Variants in TEKT5 observed in about 807,000 individuals in gnomAD.
The protein encoded by TEKT5 is tektin-5.
A neutral mutation model predicts 48.7 loss-of-function variants in TEKT5; 52 were observed. That is an observed-to-expected ratio of 1.07 (90% confidence interval 0.86 to 1.35). The LOEUF is 1.35. TEKT5 is among the 40% of genes most tolerant of loss of function. The probability of loss-of-function intolerance (pLI) is 0.00; values close to 1 mark genes in which losing one functional copy is unlikely to be tolerated. For synonymous variants in TEKT5, 318 were observed against 267.6 expected, an observed-to-expected ratio of 1.19 and a Z score of -1.84; for missense variants, 831 against 641.6, an observed-to-expected ratio of 1.30 and a Z score of -3.19.
In TEKT5 at chr16:10,660,661, CTGTGTGTGTGTGTGTGTGTG is replaced by C. The variant is rs4028826; in HGVS notation, c.1086+15278_1086+15297del. Reference sequence around the variant, plus strand: ...GAATGTTACCAGCAGGAGTGCAAGGCTGTGTGTGTGTGTGTGTGTGTGTGTGTGTGTGTGTGTGTGTGTTA... The same window carrying C: ...GAATGTTACCAGCAGGAGTGCAAGGCTGTGTGTGTGTGTGTGTGTGTGTTA... On this transcript the variant is annotated intron_variant, in intron 5 of 6. Transcript: ENST00000283025. Among the ~76,000 whole-genome samples the C allele has an allele frequency of 7.9e-4, 114 of 144,402 alleles. 1 individual carries two copies. Among genetic ancestry groups the C allele is most frequent in the Middle Eastern group, 3.4e-3 (1 of 290 alleles). The allele number at this position is 144,402 out of a possible 152,430, so 94.7% of individuals were successfully genotyped here.
chr16:10,680,552 G>A (rs1820830200), intron 4 of TEKT5, among the ~76,000 whole-genome samples: 1 of 151,540 alleles, frequency 6.6e-6, no homozygotes. Flanking sequence ...CTACCAACTG[G>A]GAAGCATGTT....
chr16:10,669,364 CAGG>C (rs201635627), intron 5 of TEKT5, among the ~76,000 whole-genome samples: 7,488 of 152,124 alleles, frequency 0.049, 255 homozygotes, highest in Middle Eastern at 0.097. Flanking sequence ...AAAGCTGAGG[CAGG>C]AGAATCGCTT....
At chr16:10,636,690 CGTGTGTGTGTGTGTGTGT>C (rs34623422) in intron 5 of TEKT5, among the ~76,000 whole-genome samples, 2 of 145,182 alleles carry the variant, frequency 1.4e-5, no homozygotes, top group African/African-American at 5.1e-5. Context: ...TACATACATA[CGTGTGTGTGTGTGTGTGT>C]GTGTGTGTGT....
intron 5 of TEKT5, among the ~76,000 whole-genome samples, chr16:10,675,055 G>T (rs1215436457): frequency 6.6e-6 from 1 of 151,936 alleles, no homozygotes; most frequent in South Asian, 2.1e-4. Context: ...CAAATTCCTG[G>T]CCTCAAATGA....
At chr16:10,642,289 T>C (rs1425873049) in intron 5 of TEKT5, among the ~76,000 whole-genome samples, 2 of 152,154 alleles carry the variant, frequency 1.3e-5, no homozygotes, top group East Asian at 3.9e-4. Flanking sequence ...CTAGAGCCCA[T>C]AGTCCAACCA....
intron 5 of TEKT5, among the ~76,000 whole-genome samples, chr16:10,673,043 A>T (rs533370637): frequency 2.6e-5 from 4 of 152,018 alleles, no homozygotes; most frequent in Non-Finnish European, 5.9e-5. Context: ...AGAAGTTAAG[A>T]AAGTTGTCCA....
At chr16:10,694,186 C>T (rs1385936870) in intron 1 of TEKT5, 124 bp downstream of exon 1, 8 of 843,058 alleles carry the variant, frequency 9.5e-6, no homozygotes, top group Admixed American at 5.0e-5. Context: ...TGATCGTATT[C>T]GATGATGCAG....
chr16:10,635,001 C>T (rs1897893083), intron 6 of TEKT5, among the ~76,000 whole-genome samples: 1 of 152,126 alleles, frequency 6.6e-6, no homozygotes, highest in African/African-American at 2.4e-5. Flanking sequence ...CAAGTCACTA[C>T]CTTTTGGGGT....
intron 6 of TEKT5, among the ~76,000 whole-genome samples, chr16:10,629,998 C>T (rs867833707): frequency 1.1e-4 from 17 of 152,142 alleles, no homozygotes; most frequent in Middle Eastern, 3.4e-3. Flanking sequence ...TGCAGTGGTG[C>T]AGTCAAAGCT....
chr16:10,684,572 G>A (rs1898822171), intron 3 of TEKT5, among the ~76,000 whole-genome samples: 2 of 152,102 alleles, frequency 1.3e-5, no homozygotes, highest in South Asian at 4.1e-4. Flanking sequence ...CAAATTGGCA[G>A]AGTCCTGGAG....
intron 5 of TEKT5, among the ~76,000 whole-genome samples, chr16:10,643,225 A>AG (rs1383506427): frequency 6.6e-6 from 1 of 151,966 alleles, no homozygotes; most frequent in African/African-American, 2.4e-5. Context: ...TAAAAAAAAA[A>AG]AAAATTTTCT....
intron 5 of TEKT5, among the ~76,000 whole-genome samples, chr16:10,647,450 T>G (rs1898087422): frequency 6.9e-6 from 1 of 144,306 alleles, no homozygotes; most frequent in African/African-American, 2.6e-5. Context: ...CCAGCCTGGG[T>G]GACAGAGTGG....
chr16:10,635,856 G>A lies in TEKT5; in HGVS notation c.1149C>T (p.Ala383=). Residue 383 remains alanine, a synonymous_variant, in exon 6 of 7, where the codon GCC becomes GCT. Transcript: ENST00000283025. ...TIMLLERSIM[A]KEGPLKVAQT... ...GGGCCACCTTCAGCGGGCCCTCCTT[G>A]GCCATGATGGACCTTTCCAGCAGCA... 6.2e-7 allele frequency: 1 copy of A among 1,614,126 alleles called. No individual in the cohort carries two copies.
At position 10,652,884 on chromosome 16, in the gene TEKT5, T is replaced by A. The variant is rs1366189656; in HGVS notation, c.1087-16966A>T. Among the ~76,000 whole-genome samples, 15 of 136,492 alleles carry A rather than the reference T, an allele frequency of 1.1e-4. 3 individuals carry two copies. Among genetic ancestry groups the A allele is most frequent in the African/African-American group, 4.9e-4 (15 of 30,826 alleles). 89.5% of individuals were successfully genotyped at this position (136,492 alleles called of 152,430 possible). ...ACACACACACACCCTCCAGGTCAGGTAGAGCGATCCCTTATATACACAGGC... is the reference window on the plus strand; with the variant it reads ...ACACACACACACCCTCCAGGTCAGGAAGAGCGATCCCTTATATACACAGGC... On this transcript the variant is annotated intron_variant, in intron 5 of 6. Coordinates refer to ENST00000283025, the MANE Select transcript of TEKT5 (RefSeq NM_144674.2).
intron 3 of TEKT5, among the ~76,000 whole-genome samples, chr16:10,686,619 A>T (rs1898866172): frequency 6.6e-6 from 1 of 152,206 alleles, no homozygotes. Context: ...ACATCAAACG[A>T]AAAAGCTTCT....
At chr16:10,672,553 G>A (rs917116464) in intron 5 of TEKT5, among the ~76,000 whole-genome samples, 5 of 152,120 alleles carry the variant, frequency 3.3e-5, no homozygotes, top group Admixed American at 1.3e-4. Flanking sequence ...CCGAGATTGC[G>A]CCACTGCACT....
intron 1 of TEKT5, chr16:10,690,668 C>T: frequency 1.3e-5 from 13 of 985,408 alleles, no homozygotes; most frequent in Non-Finnish European, 1.6e-5. Flanking sequence ...GTGGTCAGGA[C>T]AACCCTGCCA....
At chr16:10,681,501 C>A (rs1052871507) in intron 4 of TEKT5, among the ~76,000 whole-genome samples, 1 of 152,114 alleles carries the variant, frequency 6.6e-6, no homozygotes, top group African/African-American at 2.4e-5. Flanking sequence ...GGTAAGCCAA[C>A]AAGCCTGGCG....
intron 1 of TEKT5, among the ~76,000 whole-genome samples, chr16:10,693,252 T>C (rs1296741827): frequency 6.6e-6 from 1 of 152,152 alleles, no homozygotes; most frequent in Admixed American, 6.5e-5. Flanking sequence ...TGTGCCACCA[T>C]ACCCAGCTAA....
Sources: gnomAD v4.1 joint callset for allele counts (sites outside exome capture counted in the v4.1 genomes callset) on GRCh38, gnomAD v4.1.1 for gene constraint, MANE v1.5 for transcripts, NCBI Gene and HGNC (gene_info 2026-07-23, HGNC 2026-07-21) for gene names.